Variants in PHF10 observed in about 807,000 individuals in gnomAD.
PHF10 encodes PHD finger protein 10.
A neutral mutation model predicts 68.5 loss-of-function variants in PHF10; 51 were observed. The observed-to-expected ratio is 0.74, with a 90% CI of 0.59 to 0.94. The LOEUF (loss-of-function observed/expected upper bound fraction) is 0.94. Ranked by LOEUF, PHF10 falls within the 40% of genes least tolerant of loss-of-function variation. The pLI is 0.00. For synonymous variants in PHF10, 204 were observed against 203.5 expected (o/e 1.00, Z -0.02); for missense variants, 460 against 602.6 (o/e 0.76, Z 2.48).
intron 8 of PHF10, among the ~76,000 whole-genome samples, chr6:169,711,867 G>A (rs1788932556): frequency 6.6e-6 from 1 of 152,076 alleles, no homozygotes; most frequent in Non-Finnish European, 1.5e-5. Context: ...AACCATCATT[G>A]GGATTTTATT....
At position 169,718,207 on chromosome 6, in the gene PHF10, T is replaced by C. The variant is rs571167172; in HGVS notation, c.326-301A>G. On this transcript the variant is annotated intron_variant, in intron 3 of 11. Coordinates refer to ENST00000339209, the MANE Select transcript of PHF10 (RefSeq NM_018288.4). ...GATACGGCTCATATAGCTAACTCTA[T>C]TCCTTAGATCAAGAAACAATGGTAA... Among the ~76,000 whole-genome samples the C allele has an allele frequency of 1.3e-3, 202 of 152,304 alleles. 2 individuals carry two copies. Among genetic ancestry groups the C allele is most frequent in the Non-Finnish European group, 2.4e-3 (163 of 68,018 alleles).
At chr6:169,706,773 CACACA>C (rs1788809114) in intron 9 of PHF10, among the ~76,000 whole-genome samples, 1 of 121,042 alleles carries the variant, frequency 8.3e-6, no homozygotes, top group African/African-American at 3.5e-5. Flanking sequence ...CACACACACA[CACACA>C]CGTAGATGAA....
Position 169,703,919 on chromosome 6 carries a change from C to A in PHF10, c.*84G>T, listed in dbSNP as rs1788642475. The stretch of plus-strand genomic sequence containing the variant: ...TAAGCTCATAATTTGCAAAAAAAAT[C>A]TTTTATTGGCATGAAAATAATGTTG... On this transcript the variant is annotated 3_prime_UTR_variant, in exon 12 of 12. Coordinates refer to ENST00000339209, the MANE Select transcript of PHF10 (RefSeq NM_018288.4). 5.2e-6 allele frequency: 6 copies of A among 1,145,930 alleles called. No homozygotes were observed. Among genetic ancestry groups the A allele is most frequent in the South Asian group, 3.1e-5 (2 of 63,630 alleles). The allele number at this position is 1,145,930 out of a possible 1,614,324, so 71.0% of individuals were successfully genotyped here.
chr6:169,704,845 A>G (rs1378183516), intron 11 of PHF10: 2 of 285,032 alleles, frequency 7.0e-6, no homozygotes, highest in African/African-American at 4.4e-5. Flanking sequence ...ACATATAAAA[A>G]TAAAGGCTTT....
intron 8 of PHF10, among the ~76,000 whole-genome samples, chr6:169,710,627 T>C (rs1424824992): frequency 3.3e-5 from 5 of 152,228 alleles, no homozygotes; most frequent in Non-Finnish European, 7.3e-5. Flanking sequence ...TATCAGTGCC[T>C]TCATCAACTT....
intron 8 of PHF10, among the ~76,000 whole-genome samples, 194 bp from the exon 9 acceptor site, chr6:169,710,585 T>C (rs763787552): frequency 2.0e-5 from 3 of 152,146 alleles, no homozygotes; most frequent in South Asian, 2.1e-4. Context: ...CATTCCTCCT[T>C]CTTCTAAGTA....
intron 11 of PHF10, 82 bp downstream of exon 11, chr6:169,705,051 T>C (rs1240497253): frequency 2.0e-6 from 2 of 1,024,178 alleles, no homozygotes; most frequent in African/African-American, 1.6e-5. Context: ...CTTCATGTCA[T>C]GATAGCGTTT....
intron 9 of PHF10, among the ~76,000 whole-genome samples, chr6:169,706,717 C>G (rs1353484780): frequency 1.1e-5 from 1 of 90,738 alleles, no homozygotes; most frequent in Non-Finnish European, 2.6e-5. Context: ...AGGGGACATA[C>G]ATACATACAT....
intron 1 of PHF10, among the ~76,000 whole-genome samples, chr6:169,723,549 C>G (rs1255798745): frequency 6.6e-6 from 1 of 152,156 alleles, no homozygotes; most frequent in Non-Finnish European, 1.5e-5. Flanking sequence ...GGGCGCGTTC[C>G]GTCCCACGGC....
chr6:169,723,731 G>A (rs1344272614), intron 1 of PHF10, 114 bp downstream of exon 1: 1 of 289,028 alleles, frequency 3.5e-6, no homozygotes, highest in Non-Finnish European at 5.5e-6. Context: ...CGCGGCGCCC[G>A]GCCTGGGCCC....
In PHF10 at chr6:169,705,236, G is replaced by C; in HGVS notation, c.1308C>G (p.Cys436Trp). ...YPWQCMECKT[C>W]IICGQPHHEE... is the part of the protein sequence containing the mutation. ...CATGGTGGGGTTGTCCACATATAAT[G>C]CATGTTTTACATTCCATACACTGCC... The change falls in exon 11 of 12, where the codon TGC (cysteine) becomes TGG (tryptophan). Residue 436 changes from cysteine (C) to tryptophan (W), a missense_variant. By Grantham distance (215) the Cys-to-Trp change is radical (BLOSUM62 -2). Around this residue, in one of 3 missense-constraint regions of PHF10, gnomAD observed 111 missense variants for 109.7 expected, o/e 1.01. Transcript: ENST00000339209. 1.9e-6 allele frequency: 3 copies of C among 1,612,482 alleles called. No individual in the cohort carries two copies. Among genetic ancestry groups the C allele is most frequent in the Non-Finnish European group, 2.5e-6 (3 of 1,178,596 alleles).
At chr6:169,715,664 G>A (rs755041041) in intron 6 of PHF10, 44 bp downstream of exon 6, 41 of 1,538,276 alleles carry the variant, frequency 2.7e-5, no homozygotes, top group Non-Finnish European at 3.7e-5. Context: ...GCAATAACAA[G>A]TAATAAACTA....
chr6:169,715,870 A>T lies in PHF10; in HGVS notation c.544-13T>A. 3.1e-6 allele frequency: 5 copies of T among 1,603,362 alleles called. No homozygotes were observed. Among genetic ancestry groups the T allele is most frequent in the Non-Finnish European group, 4.3e-6 (5 of 1,175,364 alleles). On this transcript the variant is annotated splice_polypyrimidine_tract_variant and intron_variant, in intron 5 of 11. Coordinates refer to ENST00000339209, the MANE Select transcript of PHF10 (RefSeq NM_018288.4). ...GTTGTTGCATTTGCTGGAAAAAAAA[A>T]ATACAGTTGGAAGTCACATATAACT...
chr6:169,705,438 A>G (rs561788446), intron 10 of PHF10, 117 bp from the exon 11 acceptor site: 1 of 754,308 alleles, frequency 1.3e-6, no homozygotes, highest in African/African-American at 1.8e-5. Flanking sequence ...CAAATCGCCA[A>G]AGAGAAATGA....
rs1789168229 is a variant in PHF10 at position 169,721,164 on chromosome 6, G to A, written c.88-53C>T. 3.0e-6 allele frequency: 3 copies of A among 1,013,690 alleles called. No homozygotes were observed. The South Asian group carries it at 4.2e-5, about 14-fold the overall frequency. 62.8% of individuals were successfully genotyped at this position (1,013,690 alleles called of 1,614,324 possible). A position where few individuals can be genotyped will look rare whatever the true frequency, so the allele number is the denominator to read the frequency against. ...TAATTAGAGAAAGAATAAAAGAACA[G>A]TAAGTCTCAATAAATGAAAGACTGT... On this transcript the variant is annotated intron_variant, in intron 1 of 11. Coordinates refer to ENST00000339209, the MANE Select transcript of PHF10 (RefSeq NM_018288.4).
At chr6:169,719,774 T>C (rs991220839) in intron 2 of PHF10, among the ~76,000 whole-genome samples, 1 of 152,064 alleles carries the variant, frequency 6.6e-6, no homozygotes, top group East Asian at 1.9e-4. Flanking sequence ...TGAAGGTAGA[T>C]TCTTACATAT....
At chr6:169,706,755 C>T (rs1172890878) in intron 9 of PHF10, among the ~76,000 whole-genome samples, 4 of 151,132 alleles carry the variant, frequency 2.6e-5, no homozygotes, top group Admixed American at 6.6e-5. Context: ...CACACACACA[C>T]ACACACACAC....
intron 7 of PHF10, among the ~76,000 whole-genome samples, chr6:169,713,053 T>C (rs934258239): frequency 6.6e-6 from 1 of 152,226 alleles, no homozygotes; most frequent in Non-Finnish European, 1.5e-5. Context: ...AACCAATTAT[T>C]GTAAACAAAT....
Position 169,723,841 on chromosome 6 carries a change from T to C in PHF10, c.87+4A>G. 9.6e-7 allele frequency: 1 copy of C among 1,046,852 alleles called. No homozygotes were observed. The highest frequency in any genetic ancestry group is 1.2e-6 in the Non-Finnish European group (1 of 848,726). 64.8% of individuals were successfully genotyped at this position (1,046,852 alleles called of 1,614,324 possible). A position where few individuals can be genotyped will look rare whatever the true frequency, so the allele number is the denominator to read the frequency against. On this transcript the variant is annotated splice_donor_region_variant and intron_variant, in intron 1 of 11. Transcript: ENST00000339209. ...GGGTCGGGTCGCACCGGCCGCTTCC[T>C]CACCTTCGGGGACTGCGCTCCGGGG...
Sources: gnomAD v4.1 joint callset for allele counts (sites outside exome capture counted in the v4.1 genomes callset) on GRCh38, gnomAD v4.1.1 for gene constraint, gnomAD v4.1.1 regional missense constraint, MANE v1.5 for transcripts, NCBI Gene and HGNC (gene_info 2026-07-23, HGNC 2026-07-21) for gene names.